Variants in DPH7 observed in about 807,000 individuals in gnomAD.
DPH7 encodes diphthamide biosynthesis 7.
In DPH7, 44 loss-of-function variants were observed where a neutral mutation model predicts 41.7. The ratio of observed to expected loss-of-function variants is 1.05; its 90% CI spans 0.83 to 1.36. DPH7 has a LOEUF of 1.36. DPH7 is among the 40% of genes most tolerant of loss of function. The pLI is 0.00. For synonymous variants in DPH7, 275 were observed against 238.0 expected, an observed-to-expected ratio of 1.16 and a Z score of -1.43; for missense variants, 629 against 577.5, an observed-to-expected ratio of 1.09 and a Z score of -0.91.
intron 8 of DPH7, among the ~76,000 whole-genome samples, chr9:137,563,564 G>A (rs889214605): frequency 4.7e-5 from 7 of 150,276 alleles, no homozygotes; most frequent in South Asian, 4.2e-4. Flanking sequence ...AATACCATGC[G>A]GAAATCGAGT....
rs777186576 is a variant in DPH7, at chr9:137,564,574, C to T, written c.809G>A (p.Arg270Gln). 2.7e-5 allele frequency: 44 copies of T among 1,613,812 alleles called. No individual in the cohort carries two copies. The highest frequency in any genetic ancestry group is 8.0e-5 in the African/African-American group (6 of 75,050). Residue 270 changes from arginine to glutamine, a missense_variant, in exon 8 of 9, where the codon CGA (arginine) becomes CAA (glutamine). Arg to Gln is a conservative substitution (Grantham distance 43, BLOSUM62 1). Coordinates refer to ENST00000277540, the MANE Select transcript of DPH7 (RefSeq NM_138778.5). ...YDEHILLWDT[R>Q]NMKQPLADTP... ...ATCTGCCAACGGCTGCTTCATGTTT[C>T]GTGTGTCCCACAGTAGGATGTGTTC...
At chr9:137,578,525 C>T in intron 1 of DPH7, 100 bp downstream of exon 1, 1 of 1,282,720 alleles carries the variant, frequency 7.8e-7, no homozygotes, top group African/African-American at 1.6e-5. Flanking sequence ...GGCCAAAGGG[C>T]CAATATCCCC....
chr9:137,560,626 G>A lies in DPH7; in HGVS notation c.949+3808C>T, dbSNP rs375778394. ...TCCCAGCACTTTGGGAGGCCGAGGC[G>A]GGCGGATCACGAGGTCAGGAGATCA... On this transcript the variant is annotated intron_variant, in intron 8 of 8. Transcript: ENST00000277540. Among the ~76,000 whole-genome samples, 59 of 151,366 alleles carry A rather than the reference G, an allele frequency of 3.9e-4. 1 individual carries two copies. In the East Asian group the frequency reaches 9.0e-3, roughly 23 times the overall value.
At chr9:137,573,072 A>G (rs1480612582) in intron 5 of DPH7, among the ~76,000 whole-genome samples, 1 of 152,168 alleles carries the variant, frequency 6.6e-6, no homozygotes, top group African/African-American at 2.4e-5. Flanking sequence ...CTCTCTAAAG[A>G]ATAAGTGGGC....
At position 137,578,877 on chromosome 9, in the gene DPH7, G is replaced by A; in HGVS notation, c.-100C>T. 1 of 1,247,654 alleles carries A rather than the reference G, an allele frequency of 8.0e-7. No homozygotes were observed. Among genetic ancestry groups the A allele is most frequent in the African/African-American group, 1.6e-5 (1 of 63,296 alleles). The allele number at this position is 1,247,654 out of a possible 1,614,324, so 77.3% of individuals were successfully genotyped here. ...GGCGAGGCCGGGGCCGGCCGGACGA[G>A]CGCAGAGCCCCAGGGACACCGTCAG... On this transcript the variant is annotated 5_prime_UTR_variant, in exon 1 of 9. Coordinates refer to ENST00000277540, the MANE Select transcript of DPH7 (RefSeq NM_138778.5).
At chr9:137,576,357 C>A in intron 2 of DPH7, 190 bp from the exon 3 acceptor site, 2 of 573,004 alleles carry the variant, frequency 3.5e-6, no homozygotes, top group Non-Finnish European at 6.3e-6. Flanking sequence ...AACCTTACAG[C>A]ATGTTACTGC....
rs780518187 is a variant in DPH7 at position 137,577,463 on chromosome 9, G to C, written c.287+7C>G. On this transcript the variant is annotated splice_region_variant and intron_variant, in intron 2 of 8. Coordinates refer to ENST00000277540, the MANE Select transcript of DPH7 (RefSeq NM_138778.5). The stretch of plus-strand genomic sequence containing the variant: ...TTCTACACCCAGTGGGATTATCACA[G>C]TTATACCATTTCATGTCCAGGATTG... 2.5e-6 allele frequency: 4 copies of C among 1,613,802 alleles called. 1 individual carries two copies. In the South Asian group the frequency reaches 4.4e-5, roughly 18 times the overall value.
chr9:137,564,002 C>G (rs1327457330), intron 8 of DPH7, among the ~76,000 whole-genome samples: 1 of 152,122 alleles, frequency 6.6e-6, no homozygotes, highest in African/African-American at 2.4e-5. Context: ...CTGGGTTCTG[C>G]CCAGAGTGTG....
intron 5 of DPH7, among the ~76,000 whole-genome samples, chr9:137,570,548 AG>A (rs1450206021): frequency 6.6e-6 from 1 of 152,142 alleles, no homozygotes; most frequent in Non-Finnish European, 1.5e-5. Context: ...TTCACCAAAG[AG>A]GTCATCGCAA....
chr9:137,571,193 ATTT>A, intron 5 of DPH7, among the ~76,000 whole-genome samples: 1 of 147,906 alleles, frequency 6.8e-6, no homozygotes, highest in South Asian at 2.1e-4. Flanking sequence ...ATATAAATAA[ATTT>A]TTTTTTTTTG....
At chr9:137,570,342 C>T (rs151243576) in intron 5 of DPH7, among the ~76,000 whole-genome samples, 2 of 152,304 alleles carry the variant, frequency 1.3e-5, no homozygotes, top group Non-Finnish European at 2.9e-5. Context: ...CTTCTTTATA[C>T]GTGAGTCTCT....
At chr9:137,560,192 A>G (rs1425109657) in intron 8 of DPH7, among the ~76,000 whole-genome samples, 1 of 152,194 alleles carries the variant, frequency 6.6e-6, no homozygotes, top group Non-Finnish European at 1.5e-5. Flanking sequence ...GGCTACAGAG[A>G]AAAGTATCAA....
In DPH7 at chr9:137,578,821, C is replaced by T. The variant is rs1335413922; in HGVS notation, c.-44G>A. 2.2e-6 allele frequency: 3 copies of T among 1,387,996 alleles called. No individual in the cohort carries two copies. Among genetic ancestry groups the T allele is most frequent in the Non-Finnish European group, 1.9e-6 (2 of 1,067,420 alleles). The allele number at this position is 1,387,996 out of a possible 1,614,324, so 86.0% of individuals were successfully genotyped here. A position where few individuals can be genotyped will look rare whatever the true frequency, so the allele number is the denominator to read the frequency against. On this transcript the variant is annotated 5_prime_UTR_variant, in exon 1 of 9. Transcript: ENST00000277540. Reference sequence around the variant, plus strand: ...CGCGGAGCCGGCAGTAGAGGCGGGTCGGCGGGGCCGGGCTGGGTACTGCGC... The same window carrying T: ...CGCGGAGCCGGCAGTAGAGGCGGGTTGGCGGGGCCGGGCTGGGTACTGCGC...
chr9:137,574,647 G>A (rs112888764), intron 4 of DPH7, 105 bp downstream of exon 4: 2 of 1,110,540 alleles, frequency 1.8e-6, no homozygotes. Flanking sequence ...CAGGGCTGAG[G>A]AGCACAGTCG....
Position 137,574,857 on chromosome 9 carries a change from A to T in DPH7, c.376-14T>A. 1 of 1,613,238 alleles carries T rather than the reference A, an allele frequency of 6.2e-7. No individual in the cohort carries two copies. The highest frequency in any genetic ancestry group is 8.5e-7 in the Non-Finnish European group (1 of 1,179,810). On this transcript the variant is annotated splice_polypyrimidine_tract_variant and intron_variant, in intron 3 of 8. Transcript: ENST00000277540. ...CACGTGGCTCTTCTACTGGAGAAGA[A>T]GAAACTCCATCAAAGGGAAGTAGCC...
chr9:137,571,855 T>G (rs1840492595), intron 5 of DPH7, among the ~76,000 whole-genome samples: 1 of 152,198 alleles, frequency 6.6e-6, no homozygotes, highest in African/African-American at 2.4e-5. Context: ...CTGTTTAGTT[T>G]GCTAAAGTAT....
rs917903157 is a variant in DPH7 at position 137,559,742 on chromosome 9, C to T, written c.950-4094G>A. On this transcript the variant is annotated intron_variant, in intron 8 of 8. Coordinates refer to ENST00000277540, the MANE Select transcript of DPH7 (RefSeq NM_138778.5). ...GCCCCCTGTCCAGTGGACACGTGAC[C>T]CACGTGACCTTACCTATCATTGGAG... 2.6e-5 allele frequency among the ~76,000 whole-genome samples: 4 copies of T among 152,350 alleles called. 1 individual carries two copies. In the South Asian group the frequency reaches 8.3e-4, roughly 32 times the overall value.
chr9:137,575,883 A>G, intron 3 of DPH7, 197 bp downstream of exon 3: 1 of 1,399,288 alleles, frequency 7.1e-7, no homozygotes, highest in Non-Finnish European at 9.3e-7. Flanking sequence ...GTGACACATG[A>G]GGTGACTTCC....
At position 137,564,925 on chromosome 9, in the gene DPH7, G is replaced by A. The variant is rs140556723; in HGVS notation, c.744C>T (p.Ser248=). ...TGGCCAGGATGTGCTCCCGATGAGGGCTGCTCTGGATGCTGCACACACCCA... is the reference window on the plus strand; with the variant it reads ...TGGCCAGGATGTGCTCCCGATGAGGACTGCTCTGGATGCTGCACACACCCA... ...HTMGVCSIQS[S]PHREHILATG... The change falls in exon 7 of 9, where the codon AGC becomes AGT. Residue 248 remains serine (S), a synonymous_variant. Coordinates refer to ENST00000277540, the MANE Select transcript of DPH7 (RefSeq NM_138778.5). The A allele has an allele frequency of 4.4e-6, 7 of 1,596,986 alleles. No homozygotes were observed. The South Asian group carries it at 7.9e-5, about 18-fold the overall frequency.
Sources: allele counts gnomAD v4.1 joint callset (sites outside exome capture counted in the v4.1 genomes callset), GRCh38; gene constraint gnomAD v4.1.1; transcripts MANE v1.5; gene names NCBI Gene and HGNC (gene_info 2026-07-23, HGNC 2026-07-21).